Variants in TMEM165 observed in about 807,000 individuals in gnomAD.
The protein encoded by TMEM165 is transmembrane protein 165, also known as putative divalent cation/proton antiporter TMEM165.
Under a neutral mutation model 30.0 loss-of-function variants are expected in TMEM165, and 19 were observed. That is an observed-to-expected ratio of 0.63 (90% CI 0.44 to 0.93). The LOEUF is 0.93. Among genes scored for constraint, TMEM165 ranks in the 40% least tolerant of loss-of-function variants. The probability of loss-of-function intolerance (pLI) is 0.00; values close to 1 mark genes in which losing one functional copy is unlikely to be tolerated. For missense variants in TMEM165, 340 were observed against 417.0 expected (o/e 0.82, Z 1.61); for synonymous variants, 168 against 162.9 (o/e 1.03, Z -0.24).
intron 3 of TMEM165, chr4:55,448,823 T>C: frequency 6.2e-7 from 1 of 1,614,014 alleles, no homozygotes; most frequent in South Asian, 1.1e-5. Context: ...GCTTGAGACA[T>C]CACTGGCTGT....
rs1226241984 is a variant in TMEM165, at chr4:55,435,187, CTG to C, written c.408+10546_408+10547del. 3 of 556,324 alleles carry C rather than the reference CTG, an allele frequency of 5.4e-6. No individual in the cohort carries two copies. In the African/African-American group the frequency reaches 5.7e-5, roughly 11 times the overall value. The allele number at this position is 556,324 out of a possible 1,614,324, so 34.5% of individuals were successfully genotyped here. On this transcript the variant is annotated intron_variant, in intron 3 of 3. Coordinates refer to the TMEM165 transcript ENST00000608091. ...AAAAAATATCCAGGCACCTAAAACACTGTCAGAACTGGCTATGCCCCTATGAT... is the reference window on the plus strand; with the variant it reads ...AAAAAATATCCAGGCACCTAAAACACTCAGAACTGGCTATGCCCCTATGAT...
chr4:55,399,792 C>G (rs1287743424), intron 1 of TMEM165, among the ~76,000 whole-genome samples: 1 of 152,034 alleles, frequency 6.6e-6, no homozygotes, highest in Non-Finnish European at 1.5e-5. Context: ...CCTCCAGCTC[C>G]TGGACTCAGG....
At chr4:55,430,331 A>C (rs1722416316), downstream of TMEM165, 1 of 152,122 alleles carries the variant, frequency 6.6e-6, no homozygotes, top group Non-Finnish European at 1.5e-5. Flanking sequence ...ATAAACACTC[A>C]CAACAAAACC....
chr4:55,428,732 C>A (rs1722338617), downstream of TMEM165: 2 of 151,486 alleles, frequency 1.3e-5, no homozygotes, highest in African/African-American at 4.9e-5. Flanking sequence ...GAATTTGGTG[C>A]ATGTTTTAAC....
intron 3 of TMEM165, chr4:55,443,864 A>G (rs1001722701): frequency 6.2e-7 from 1 of 1,613,202 alleles, no homozygotes. Flanking sequence ...CGGAACCAAA[A>G]TTCAACCCAG....
At chr4:55,398,350 A>G (rs1195085154) in intron 1 of TMEM165, among the ~76,000 whole-genome samples, 3 of 145,050 alleles carry the variant, frequency 2.1e-5, no homozygotes, top group Admixed American at 6.7e-5. Flanking sequence ...TAATCCTCAC[A>G]ACAGCACGTT....
At chr4:55,438,298 G>A (rs767458103) in intron 3 of TMEM165, 20 of 1,613,968 alleles carry the variant, frequency 1.2e-5, no homozygotes, top group Admixed American at 5.0e-5. Flanking sequence ...AAATTGTTGC[G>A]GTGGCTGGGT....
chr4:55,419,238 C>T (rs1412079574), intron 4 of TMEM165, among the ~76,000 whole-genome samples: 1 of 152,190 alleles, frequency 6.6e-6, no homozygotes, highest in African/African-American at 2.4e-5. Flanking sequence ...CTTCCTGCCT[C>T]AGCCTCGCAA....
chr4:55,396,136 C>T lies in TMEM165; in HGVS notation c.-54C>T, dbSNP rs1720709914. On this transcript the variant is annotated 5_prime_UTR_variant, in exon 1 of 6. Coordinates refer to ENST00000381334, the MANE Select transcript of TMEM165 (RefSeq NM_018475.5). Reference sequence around the variant, plus strand: ...GAGGCTGTTCGGGGTCGAGGCTTCCCGTCGCCGGCACTTCCTCTTGCGGCG... The same window carrying T: ...GAGGCTGTTCGGGGTCGAGGCTTCCTGTCGCCGGCACTTCCTCTTGCGGCG... 5 of 1,308,678 alleles carry T rather than the reference C, an allele frequency of 3.8e-6. No homozygotes were observed. The highest frequency in any genetic ancestry group is 1.6e-5 in the African/African-American group (1 of 63,944). The allele number at this position is 1,308,678 out of a possible 1,614,324, so 81.1% of individuals were successfully genotyped here.
intron 3 of TMEM165, chr4:55,435,723 C>A: frequency 2.2e-6 from 2 of 928,486 alleles, no homozygotes; most frequent in East Asian, 5.3e-5. Context: ...ATCACTTTCA[C>A]TCTCTGGTTT....
At chr4:55,425,225 TA>T (rs1722144129) in intron 5 of TMEM165, 150 bp from the exon 6 acceptor site, 1 of 618,132 alleles carries the variant, frequency 1.6e-6, no homozygotes, top group African/African-American at 1.8e-5. Context: ...CCTTGTTATG[TA>T]AAAGGGGTTG....
chr4:55,400,272 AATATAATATTATATATTATATATAATATT>A, intron 1 of TMEM165, among the ~76,000 whole-genome samples: 1 of 83,174 alleles, frequency 1.2e-5, no homozygotes, highest in Non-Finnish European at 2.2e-5. Context: ...TATAATATAT[AATATAATATTATATATTATATATAATATT>A]ATATATAATA....
chr4:55,426,921 T>C (rs993058783), downstream of TMEM165, among the ~76,000 whole-genome samples: 1 of 152,212 alleles, frequency 6.6e-6, no homozygotes, highest in Non-Finnish European at 1.5e-5. Flanking sequence ...CTATAGGAAG[T>C]ATCAAAGGGT....
intron 1 of TMEM165, among the ~76,000 whole-genome samples, chr4:55,406,743 T>G (rs1437369089): frequency 6.6e-6 from 1 of 152,030 alleles, no homozygotes; most frequent in Non-Finnish European, 1.5e-5. Flanking sequence ...CACTGCAACT[T>G]GTACCTCCTG....
intron 3 of TMEM165, chr4:55,449,559 C>T: frequency 3.7e-6 from 5 of 1,350,384 alleles, no homozygotes; most frequent in Non-Finnish European, 5.3e-6. Context: ...AAAGATTAAT[C>T]TCAAAATGTA....
chr4:55,450,252 T>C, intron 3 of TMEM165: 1 of 1,613,662 alleles, frequency 6.2e-7, no homozygotes, highest in Non-Finnish European at 8.5e-7. Context: ...CAGAGTAAAA[T>C]AAATGTTTTC....
intron 1 of TMEM165, among the ~76,000 whole-genome samples, chr4:55,400,280 ATTATATATT>A (rs1720917767): frequency 1.0e-5 from 1 of 98,438 alleles, no homozygotes; most frequent in Non-Finnish European, 1.7e-5. Context: ...ATAATATAAT[ATTATATATT>A]ATATATAATA....
At chr4:55,396,478 AC>A in intron 1 of TMEM165, 82 bp downstream of exon 1, 2 of 1,203,990 alleles carry the variant, frequency 1.7e-6, no homozygotes, top group Non-Finnish European at 2.2e-6. Flanking sequence ...AAAGCGCCGC[AC>A]TCCGCCGGCC....
intron 4 of TMEM165, among the ~76,000 whole-genome samples, chr4:55,419,688 T>C (rs1364502631): frequency 6.6e-6 from 1 of 152,146 alleles, no homozygotes; most frequent in Admixed American, 6.5e-5. Flanking sequence ...TACTATTTCT[T>C]ATCTGTGTTT....
Sources: allele counts gnomAD v4.1 joint callset (sites outside exome capture counted in the v4.1 genomes callset), GRCh38; gene constraint gnomAD v4.1.1; transcripts MANE v1.5; gene names NCBI Gene and HGNC (gene_info 2026-07-23, HGNC 2026-07-21).